Variants in KALRN observed in about 807,000 individuals in gnomAD.
The protein encoded by KALRN is kalirin.
Under a neutral mutation model 353.7 loss-of-function variants are expected in KALRN, and 70 were observed. That is an observed-to-expected ratio of 0.20 (90% CI 0.16 to 0.24). The LOEUF (loss-of-function observed/expected upper bound fraction) is 0.24. KALRN is among the 10% of genes least tolerant of loss of function. The pLI, the probability that KALRN is intolerant of heterozygous loss-of-function variation, is 1.00. For missense variants in KALRN, 2,791 were observed against 3,756.7 expected, an observed-to-expected ratio of 0.74 and a Z score of 6.72; for synonymous variants, 1,391 against 1,434.8, an observed-to-expected ratio of 0.97 and a Z score of 0.69.
At chr3:124,686,225 C>G (rs1032809388) in intron 51 of KALRN, among the ~76,000 whole-genome samples, 1 of 152,222 alleles carries the variant, frequency 6.6e-6, no homozygotes, top group Non-Finnish European at 1.5e-5. Flanking sequence ...TGCACCCACT[C>G]AGGCACTGGG....
intron 16 of KALRN, 38 bp from the exon 17 acceptor site, chr3:124,434,269 T>C: frequency 2.5e-6 from 4 of 1,576,108 alleles, no homozygotes; most frequent in Non-Finnish European, 3.5e-6. Flanking sequence ...ACGCCTGGGT[T>C]GTTCCCACGG....
intron 7 of KALRN, 91 bp downstream of exon 7, chr3:124,326,262 T>C (rs921646447): frequency 1.0e-5 from 10 of 1,004,588 alleles, no homozygotes; most frequent in African/African-American, 3.2e-5. Context: ...ACACTCTCTA[T>C]AGGGAGCTCC....
chr3:124,404,236 C>T (rs2150151978), intron 13 of KALRN, among the ~76,000 whole-genome samples: 1 of 151,630 alleles, frequency 6.6e-6, no homozygotes, highest in East Asian at 1.9e-4. Flanking sequence ...TATCATAGGC[C>T]TCTTTTCCTT....
At chr3:124,274,310 A>T (rs2074468728) in intron 5 of KALRN, among the ~76,000 whole-genome samples, 1 of 152,270 alleles carries the variant, frequency 6.6e-6, no homozygotes, top group Non-Finnish European at 1.5e-5. Context: ...AGTATCAGAA[A>T]ATATCGAAAC....
chr3:124,131,460 T>C (rs2065267518), intron 1 of KALRN, among the ~76,000 whole-genome samples: 1 of 152,232 alleles, frequency 6.6e-6, no homozygotes, highest in African/African-American at 2.4e-5. Context: ...AAGGAGTTTT[T>C]GAAAAACATT....
intron 37 of KALRN, among the ~76,000 whole-genome samples, chr3:124,642,806 G>GTTGTTGTTTTTTTTTTTTT (rs796628603): frequency 2.1e-5 from 2 of 96,820 alleles, no homozygotes; most frequent in African/African-American, 9.0e-5. Flanking sequence ...CCCAAGCCTC[G>GTTGTTGTTTTTTTTTTTTT]TTTTTTTTTT....
chr3:124,045,387 C>T (rs2040382952), intron 1 of KALRN, among the ~76,000 whole-genome samples: 1 of 152,178 alleles, frequency 6.6e-6, no homozygotes, highest in Non-Finnish European at 1.5e-5. Context: ...AATGTCACAG[C>T]TTTAAGTGCA....
chr3:124,644,979 C>G (rs2082522204), intron 37 of KALRN, among the ~76,000 whole-genome samples: 1 of 152,226 alleles, frequency 6.6e-6, no homozygotes, highest in South Asian at 2.1e-4. Context: ...CACATTCTCT[C>G]CAGGATCTGT....
chr3:124,655,727 C>G, intron 39 of KALRN, 60 bp downstream of exon 39: 17 of 1,228,342 alleles, frequency 1.4e-5, no homozygotes, highest in Non-Finnish European at 1.9e-5. Context: ...TTGGACCCTA[C>G]CTAGGCCAAG....
rs527698939 is a variant in KALRN, at chr3:124,543,809, G to T, written c.4936-19034G>T. The stretch of plus-strand genomic sequence containing the variant: ...GAAAACCTCTAATGTGAACAAAAGG[G>T]TAAAACAGGGAGAGAACAGTATAAG... On this transcript the variant is annotated intron_variant, in intron 33 of 59. Coordinates refer to ENST00000682506, the MANE Select transcript of KALRN (RefSeq NM_001388419.1). Among the ~76,000 whole-genome samples, 4 of 152,162 alleles carry T rather than the reference G, an allele frequency of 2.6e-5. No homozygotes were observed. The East Asian group carries it at 7.7e-4, about 29-fold the overall frequency.
At chr3:124,339,475 G>C (rs543387032) in intron 9 of KALRN, among the ~76,000 whole-genome samples, 1 of 152,194 alleles carries the variant, frequency 6.6e-6, no homozygotes, top group South Asian at 2.1e-4. Context: ...AAGAGGGGAC[G>C]CAAAATGAGT....
intron 33 of KALRN, among the ~76,000 whole-genome samples, chr3:124,525,483 T>A (rs1454890794): frequency 2.6e-5 from 4 of 152,064 alleles, no homozygotes; most frequent in African/African-American, 9.7e-5. Flanking sequence ...GGGGTGGGGA[T>A]AAAAAATAAT....
chr3:124,387,215 T>G (rs2088502010), intron 11 of KALRN, among the ~76,000 whole-genome samples: 1 of 152,182 alleles, frequency 6.6e-6, no homozygotes, highest in African/African-American at 2.4e-5. Flanking sequence ...TTCCCGGATA[T>G]CTCTCAAATC....
intron 39 of KALRN, 61 bp downstream of exon 39, chr3:124,655,728 C>G: frequency 8.3e-7 from 1 of 1,212,054 alleles, no homozygotes; most frequent in Admixed American, 1.7e-5. Context: ...TGGACCCTAC[C>G]TAGGCCAAGG....
intron 3 of KALRN, among the ~76,000 whole-genome samples, chr3:124,248,234 A>G (rs1560352329): frequency 6.6e-6 from 1 of 151,618 alleles, no homozygotes; most frequent in African/African-American, 2.4e-5. Flanking sequence ...AGGCTCCCCA[A>G]GGAAAAAGGA....
chr3:124,647,527 T>G (rs1159696720), intron 37 of KALRN, among the ~76,000 whole-genome samples: 2 of 152,206 alleles, frequency 1.3e-5, no homozygotes. Context: ...GTTCAAGCAT[T>G]GCCTCTTCCA....
chr3:124,229,683 G>A (rs2078947276), intron 2 of KALRN, among the ~76,000 whole-genome samples: 1 of 152,264 alleles, frequency 6.6e-6, no homozygotes, highest in South Asian at 2.1e-4. Context: ...CGGAGAAAAG[G>A]CGAGAGCCTG....
chr3:124,698,667 T>C (rs1345108142), intron 55 of KALRN, among the ~76,000 whole-genome samples: 1 of 152,200 alleles, frequency 6.6e-6, no homozygotes, highest in African/African-American at 2.4e-5. Context: ...GATGTCTACT[T>C]GGATAATTTG....
intron 34 of KALRN, among the ~76,000 whole-genome samples, chr3:124,566,777 T>G (rs2072897313): frequency 6.6e-6 from 1 of 152,216 alleles, no homozygotes; most frequent in Non-Finnish European, 1.5e-5. Context: ...TTATAAGTTA[T>G]GCACAACTAG....
Sources: allele counts gnomAD v4.1 joint callset (sites outside exome capture counted in the v4.1 genomes callset), GRCh38; gene constraint gnomAD v4.1.1; transcripts MANE v1.5; gene names NCBI Gene and HGNC (gene_info 2026-07-23, HGNC 2026-07-21).